Variants in LSR observed in about 807,000 individuals in gnomAD.
LSR encodes the protein lipolysis stimulated lipoprotein receptor, also known as lipolysis-stimulated lipoprotein receptor.
LSR carries 44 observed loss-of-function variants against 61.8 expected under a neutral mutation model. That is an observed-to-expected ratio of 0.71 (90% CI 0.56 to 0.91). The LOEUF (loss-of-function observed/expected upper bound fraction) is 0.91, where lower values mean the gene tolerates loss of function less well. Ranked by LOEUF, LSR falls within the 40% of genes least tolerant of loss-of-function variation. The pLI is 0.00. For missense variants in LSR, 911 were observed against 830.5 expected (o/e 1.10, Z -1.19); for synonymous variants, 397 against 350.6 (o/e 1.13, Z -1.48).
At chr19:35,265,374 G>T (rs2065983635) in intron 5 of LSR, among the ~76,000 whole-genome samples, 1 of 152,202 alleles carries the variant, frequency 6.6e-6, no homozygotes. Context: ...CCCTGGCAGA[G>T]GCCCTGTTAC....
intron 7 of LSR, 42 bp from the exon 8 acceptor site, chr19:35,266,794 G>A (rs1345749278): frequency 6.2e-7 from 1 of 1,608,382 alleles, no homozygotes; most frequent in African/African-American, 1.3e-5. Flanking sequence ...GGGTGGGCCA[G>A]GATCCATCCT....
chr19:35,250,795 CTTT>C (rs564341537), intron 2 of LSR, 136 bp downstream of exon 2: 1,205 of 417,556 alleles, frequency 2.9e-3, no homozygotes, highest in South Asian at 5.5e-3. Flanking sequence ...GGGAGCAATT[CTTT>C]TTTTTTTTTT....
intron 2 of LSR, among the ~76,000 whole-genome samples, chr19:35,258,397 G>A (rs2065880825): frequency 6.6e-6 from 1 of 151,748 alleles, no homozygotes; most frequent in South Asian, 2.1e-4. Context: ...AGTGAGCCGA[G>A]ATTAGTTCGC....
At chr19:35,259,361 C>T (rs73599061) in intron 3 of LSR, 6,784 of 256,214 alleles carry the variant, frequency 0.026, 447 homozygotes, top group African/African-American at 0.14. Flanking sequence ...ACTTGGGGTC[C>T]GGGTGCGGTA....
In LSR at chr19:35,250,488, G is replaced by T. The variant is rs1274357760; in HGVS notation, c.283G>T (p.Ala95Ser). 6.2e-7 allele frequency: 1 copy of T among 1,614,052 alleles called. No individual in the cohort carries two copies. Among genetic ancestry groups the T allele is most frequent in the South Asian group, 1.1e-5 (1 of 91,076 alleles). The change falls in exon 2 of 10, where the codon GCC (alanine) becomes TCC (serine). Residue 95 changes from alanine (A) to serine (S), a missense_variant. Transcript: ENST00000605618. ...CCGCATCGCCGATGCCTTCTCCCCG[G>T]CCAGCGTCGACAACCAGCTCAATGC... ...RDRIADAFSPASVDNQLNAQL... is the reference protein window; with the variant it reads ...RDRIADAFSPSSVDNQLNAQL...
chr19:35,260,854 ACG>A (rs375560372), intron 3 of LSR, among the ~76,000 whole-genome samples: 4 of 151,718 alleles, frequency 2.6e-5, no homozygotes, highest in African/African-American at 7.3e-5. Flanking sequence ...ACACACACAC[ACG>A]CATATAGTCC....
Position 35,266,362 on chromosome 19 carries a change from A to T in LSR, c.782A>T (p.Tyr261Phe). 1 of 1,579,868 alleles carries T rather than the reference A, an allele frequency of 6.3e-7. No homozygotes were observed. Among genetic ancestry groups the T allele is most frequent in the African/African-American group, 1.3e-5 (1 of 74,340 alleles). Residue 261 changes from tyrosine to phenylalanine, a missense_variant, in exon 6 of 10, where the codon TAT becomes TTT. Tyr to Phe is a conservative substitution (Grantham distance 22). Coordinates refer to ENST00000605618, the MANE Select transcript of LSR (RefSeq NM_205834.4). ...PDKCCCPEALYAAGKAATSGV... is the reference protein window; with the variant it reads ...PDKCCCPEALFAAGKAATSGV... ...CCTGTTGATTGTGTCCTCACAGTGT[A>T]TGCCGCCGGCAAAGCAGCCACCTCA...
In LSR at chr19:35,261,923, A is replaced by T. The variant is rs1427455298; in HGVS notation, c.575-2A>T. 2 of 1,471,394 alleles carry T rather than the reference A, an allele frequency of 1.4e-6. No homozygotes were observed. The highest frequency in any genetic ancestry group is 3.0e-5 in the African/African-American group (2 of 67,380). The allele number at this position is 1,471,394 out of a possible 1,614,324, so 91.1% of individuals were successfully genotyped here. A position where few individuals can be genotyped will look rare whatever the true frequency, so the allele number is the denominator to read the frequency against. On this transcript the variant is annotated splice_acceptor_variant, in intron 3 of 9. Transcript: ENST00000605618. LOFTEE classifies it high-confidence loss of function. ...TAATCTGTTTCTCTTTTGTCCCTCC[A>T]GGGAGGACCTCAGGGGTGGCTGAGC...
chr19:35,258,863 T>TG (rs1230794015), intron 2 of LSR, 82 bp from the exon 3 acceptor site: 20 of 1,572,378 alleles, frequency 1.3e-5, no homozygotes, highest in Non-Finnish European at 1.7e-5. Flanking sequence ...CTCCTGGGTG[T>TG]GCTGGGAAGG....
intron 2 of LSR, among the ~76,000 whole-genome samples, chr19:35,251,150 G>A (rs139947245): frequency 2.6e-5 from 4 of 152,006 alleles, no homozygotes; most frequent in Admixed American, 1.3e-4. Flanking sequence ...ATTTAATAAC[G>A]AAGATTTTTT....
intron 3 of LSR, among the ~76,000 whole-genome samples, chr19:35,260,190 C>T (rs991215337): frequency 6.6e-6 from 1 of 151,934 alleles, no homozygotes; most frequent in Non-Finnish European, 1.5e-5. Flanking sequence ...TATTTACACT[C>T]TAAAACATTA....
At chr19:35,249,671 A>G (rs1435920468) in intron 1 of LSR, among the ~76,000 whole-genome samples, 1 of 152,078 alleles carries the variant, frequency 6.6e-6, no homozygotes, top group African/African-American at 2.4e-5. Context: ...GGATGGATTT[A>G]CGGACTTGAA....
At chr19:35,256,829 C>T (rs763020995) in intron 2 of LSR, among the ~76,000 whole-genome samples, 6 of 151,566 alleles carry the variant, frequency 4.0e-5, no homozygotes, top group East Asian at 3.9e-4. Context: ...AGAGGGGGTT[C>T]GTTTCCTTTT....
chr19:35,252,291 G>A (rs56209605), intron 2 of LSR, among the ~76,000 whole-genome samples: 35,434 of 151,892 alleles, frequency 0.23, 4,250 homozygotes, highest in Admixed American at 0.27. Flanking sequence ...AGTTTCTGTC[G>A]TCAAGGAGAT....
chr19:35,262,706 T>G lies in LSR; in HGVS notation c.778+14T>G. ...GCCCCGAGGCCCGTAAGTGTCCCGC[T>G]CATGGCCACCCTGGTTTGGGCAACA... On this transcript the variant is annotated intron_variant, in intron 5 of 9. Coordinates refer to ENST00000605618, the MANE Select transcript of LSR (RefSeq NM_205834.4). 6.2e-7 allele frequency: 1 copy of G among 1,611,416 alleles called. No individual in the cohort carries two copies. Among genetic ancestry groups the G allele is most frequent in the South Asian group, 1.1e-5 (1 of 91,052 alleles).
In LSR at chr19:35,261,482, A is replaced by C. The variant is rs116161797; in HGVS notation, c.575-443A>C. Among the ~76,000 whole-genome samples, 937 of 152,198 alleles carry C rather than the reference A, an allele frequency of 6.2e-3. 13 individuals carry two copies. The highest frequency in any genetic ancestry group is 0.021 in the African/African-American group (870 of 41,486). ...GGATCGCCTGAGCCCACGAGGTTGAAGCTGCAGTGAGCCATGATCACACCC... is the reference window on the plus strand; with the variant it reads ...GGATCGCCTGAGCCCACGAGGTTGACGCTGCAGTGAGCCATGATCACACCC... On this transcript the variant is annotated intron_variant, in intron 3 of 9. Coordinates refer to ENST00000605618, the MANE Select transcript of LSR (RefSeq NM_205834.4).
chr19:35,250,913 A>C (rs2145490886), intron 2 of LSR, among the ~76,000 whole-genome samples: 1 of 150,816 alleles, frequency 6.6e-6, no homozygotes, highest in East Asian at 2.0e-4. Flanking sequence ...CTCTTGCCTC[A>C]GCCTCCCGAG....
At chr19:35,260,023 T>G (rs1568444476) in intron 3 of LSR, among the ~76,000 whole-genome samples, 1 of 152,198 alleles carries the variant, frequency 6.6e-6, no homozygotes, top group Admixed American at 6.5e-5. Context: ...CATCTTCACA[T>G]GTGTGAATGA....
chr19:35,251,082 C>A (rs1275234801), intron 2 of LSR, among the ~76,000 whole-genome samples: 1 of 152,136 alleles, frequency 6.6e-6, no homozygotes, highest in Non-Finnish European at 1.5e-5. Context: ...CCATACCCAG[C>A]CTAAAGGGAG....
Sources: allele counts gnomAD v4.1 joint callset (sites outside exome capture counted in the v4.1 genomes callset), GRCh38; gene constraint gnomAD v4.1.1; transcripts MANE v1.5; gene names NCBI Gene and HGNC (gene_info 2026-07-23, HGNC 2026-07-21).